Variants in SNTG1 observed in about 807,000 individuals in gnomAD.
SNTG1 encodes gamma-1-syntrophin.
SNTG1 carries 39 observed loss-of-function variants against 74.7 expected under a neutral mutation model. The ratio of observed to expected loss-of-function variants is 0.52; its 90% CI spans 0.40 to 0.68. SNTG1 has a LOEUF of 0.68. SNTG1 is among the 30% of genes least tolerant of loss of function. SNTG1 has a pLI of 0.00. For missense variants in SNTG1, 685 were observed against 609.5 expected, an observed-to-expected ratio of 1.12 and a Z score of -1.30; for synonymous variants, 254 against 217.1, an observed-to-expected ratio of 1.17 and a Z score of -1.49.
At chr8:50,030,804 T>C (rs1817681208) in intron 1 of SNTG1, among the ~76,000 whole-genome samples, 1 of 152,012 alleles carries the variant, frequency 6.6e-6, no homozygotes, top group Non-Finnish European at 1.5e-5. Context: ...CTTTTCAAAA[T>C]TGCTTTAGCT....
intron 4 of SNTG1, among the ~76,000 whole-genome samples, chr8:50,407,606 T>G (rs2092895671): frequency 6.6e-6 from 1 of 152,260 alleles, no homozygotes; most frequent in Non-Finnish European, 1.5e-5. Flanking sequence ...ACTTTTGACC[T>G]GCCTTGCTCA....
At chr8:50,054,269 A>T (rs1340544717) in intron 1 of SNTG1, among the ~76,000 whole-genome samples, 1 of 152,066 alleles carries the variant, frequency 6.6e-6, no homozygotes, top group African/African-American at 2.4e-5. Context: ...TCATTTACCC[A>T]CTTGCCCTTG....
intron 1 of SNTG1, among the ~76,000 whole-genome samples, chr8:50,106,719 T>G (rs1341928965): frequency 6.6e-6 from 1 of 152,196 alleles, no homozygotes; most frequent in African/African-American, 2.4e-5. Context: ...AGAATCCTTC[T>G]TGCATTCTCA....
At chr8:50,332,601 T>C (rs1204799416) in intron 2 of SNTG1, among the ~76,000 whole-genome samples, 2 of 152,232 alleles carry the variant, frequency 1.3e-5, no homozygotes, top group Non-Finnish European at 2.9e-5. Flanking sequence ...ATCTCCCTGA[T>C]GGAATCAGCT....
chr8:50,348,351 C>A (rs1011089196), intron 2 of SNTG1, among the ~76,000 whole-genome samples: 5 of 152,144 alleles, frequency 3.3e-5, no homozygotes, highest in Non-Finnish European at 5.9e-5. Flanking sequence ...CTCAACAGTG[C>A]AACTGGATTC....
At chr8:50,148,976 C>T (rs2081969654) in intron 1 of SNTG1, among the ~76,000 whole-genome samples, 1 of 152,070 alleles carries the variant, frequency 6.6e-6, no homozygotes, top group South Asian at 2.1e-4. Context: ...ATCGCCACAC[C>T]AACTTCCACA....
In SNTG1 at chr8:50,187,986, C is replaced by G. The variant is rs546110845; in HGVS notation, c.-28+15351C>G. Among the ~76,000 whole-genome samples the G allele has an allele frequency of 2.3e-4, 35 of 152,276 alleles. 1 individual carries two copies. Among genetic ancestry groups the G allele is most frequent in the African/African-American group, 7.7e-4 (32 of 41,552 alleles). ...TTTTCAGCACATACATATTATCCAT[C>G]ACTGCCACCTTAGCCACTTTGTCAC... is the stretch of plus-strand genomic sequence containing the variant. On this transcript the variant is annotated intron_variant, in intron 2 of 18. Transcript: ENST00000642720.
chr8:50,369,434 T>C (rs1285757110), intron 2 of SNTG1, among the ~76,000 whole-genome samples: 2 of 151,834 alleles, frequency 1.3e-5, no homozygotes, highest in Non-Finnish European at 1.5e-5. Context: ...CCATCTCTAC[T>C]GAAAATACAA....
chr8:50,026,607 C>G (rs1367433749), intron 1 of SNTG1, among the ~76,000 whole-genome samples: 1 of 152,004 alleles, frequency 6.6e-6, no homozygotes, highest in South Asian at 2.1e-4. Flanking sequence ...CCAAAACCAA[C>G]CATACATTTA....
chr8:50,366,461 A>G (rs1333439601), intron 2 of SNTG1, among the ~76,000 whole-genome samples: 1 of 152,026 alleles, frequency 6.6e-6, no homozygotes, highest in Non-Finnish European at 1.5e-5. Flanking sequence ...GAAATTCATA[A>G]CAAGCCCCTT....
At chr8:49,966,035 A>T (rs899555006) in intron 1 of SNTG1, among the ~76,000 whole-genome samples, 1 of 152,148 alleles carries the variant, frequency 6.6e-6, no homozygotes, top group Non-Finnish European at 1.5e-5. Context: ...TTTTGCTGCA[A>T]GTATACTCAG....
At chr8:50,478,591 T>C (rs1054641548) in intron 8 of SNTG1, among the ~76,000 whole-genome samples, 2 of 152,178 alleles carry the variant, frequency 1.3e-5, no homozygotes, top group African/African-American at 4.8e-5. Flanking sequence ...ACTGTATCCA[T>C]TGGACATATA....
chr8:50,768,619 A>G (rs1354521049), intron 18 of SNTG1, among the ~76,000 whole-genome samples: 1 of 152,028 alleles, frequency 6.6e-6, no homozygotes, highest in African/African-American at 2.4e-5. Context: ...GCTTTTCACA[A>G]TTTGTGACTC....
intron 2 of SNTG1, among the ~76,000 whole-genome samples, chr8:50,336,038 C>T (rs1354492174): frequency 6.6e-6 from 1 of 151,922 alleles, no homozygotes; most frequent in Non-Finnish European, 1.5e-5. Context: ...TGATGTACAC[C>T]TGTACTTTAA....
rs1027718636 is a variant in SNTG1 at position 50,215,851 on chromosome 8, G to A, written c.-28+43216G>A. On this transcript the variant is annotated intron_variant, in intron 2 of 18. Transcript: ENST00000642720. ...ATGGCATCTGCCACATGGATAACAA[G>A]GATCAATGCAAAAAACTTCTTATGA... Among the ~76,000 whole-genome samples the A allele has an allele frequency of 2.0e-5, 3 of 151,942 alleles. No homozygotes were observed. The South Asian group carries it at 6.2e-4, about 32-fold the overall frequency.
chr8:50,283,944 T>C (rs1416594651), intron 2 of SNTG1, among the ~76,000 whole-genome samples: 2 of 152,174 alleles, frequency 1.3e-5, no homozygotes, highest in Non-Finnish European at 2.9e-5. Context: ...TATGGTGCAC[T>C]TGTTAAAATT....
chr8:50,388,958 T>G (rs1278154967), intron 2 of SNTG1, among the ~76,000 whole-genome samples: 2 of 152,176 alleles, frequency 1.3e-5, no homozygotes, highest in East Asian at 3.9e-4. Flanking sequence ...TGGGCAGGGA[T>G]GTAAGGGTGG....
chr8:49,954,799 T>C (rs1489980829), intron 1 of SNTG1, among the ~76,000 whole-genome samples: 4 of 152,178 alleles, frequency 2.6e-5, no homozygotes, highest in Admixed American at 6.5e-5. Flanking sequence ...AATATTACTG[T>C]AAGTAATATG....
chr8:49,955,462 C>CT (rs1354630772), intron 1 of SNTG1, among the ~76,000 whole-genome samples: 2 of 152,204 alleles, frequency 1.3e-5, no homozygotes, highest in African/African-American at 4.8e-5. Context: ...CTTCAAGCCT[C>CT]TTTAGCCCAT....
Sources: allele counts gnomAD v4.1 joint callset (sites outside exome capture counted in the v4.1 genomes callset), GRCh38; gene constraint gnomAD v4.1.1; transcripts MANE v1.5; gene names NCBI Gene and HGNC (gene_info 2026-07-23, HGNC 2026-07-21).